Variants in ABCA4 observed in about 807,000 individuals in gnomAD.
ABCA4 encodes the protein retinal-specific phospholipid-transporting ATPase ABCA4.
In ABCA4, 196 loss-of-function variants were observed where a neutral mutation model predicts 263.7. The observed-to-expected ratio is 0.74, with a 90% CI of 0.66 to 0.84. The LOEUF (loss-of-function observed/expected upper bound fraction) is 0.84. Ranked by LOEUF, ABCA4 falls within the 40% of genes least tolerant of loss-of-function variation. The probability of loss-of-function intolerance (pLI) is 0.00; values close to 1 mark genes in which losing one functional copy is unlikely to be tolerated. For synonymous variants in ABCA4, 1,133 were observed against 1,094.2 expected, an observed-to-expected ratio of 1.04 and a Z score of -0.70; for missense variants, 2,792 against 2,855.1, an observed-to-expected ratio of 0.98 and a Z score of 0.50.
intron 47 of ABCA4, among the ~76,000 whole-genome samples, chr1:93,999,162 C>T (rs1659103928): frequency 6.6e-6 from 1 of 152,020 alleles, no homozygotes; most frequent in South Asian, 2.1e-4. Flanking sequence ...TCTTGTGCCT[C>T]AGTTTCCCGA....
In ABCA4 at chr1:94,078,764, C is replaced by T. The variant is rs1034473968; in HGVS notation, c.1240-58G>A. On this transcript the variant is annotated intron_variant, in intron 9 of 49. Coordinates refer to ENST00000370225, the MANE Select transcript of ABCA4 (RefSeq NM_000350.3). Reference sequence around the variant, plus strand: ...GAACAGAGAGAAAAGTGAGAGAGAACTTTTGGTTGTGTCTTTTCTGCCCCT... The same window carrying T: ...GAACAGAGAGAAAAGTGAGAGAGAATTTTTGGTTGTGTCTTTTCTGCCCCT... 4.8e-6 allele frequency: 6 copies of T among 1,249,544 alleles called. No homozygotes were observed. In the African/African-American group the frequency reaches 8.5e-5, roughly 18 times the overall value. The allele number at this position is 1,249,544 out of a possible 1,614,324, so 77.4% of individuals were successfully genotyped here.
chr1:94,014,783 G>A, intron 37 of ABCA4, 93 bp from the exon 38 acceptor site: 1 of 1,531,382 alleles, frequency 6.5e-7, no homozygotes, highest in Admixed American at 1.7e-5. Context: ...TTACACCTGA[G>A]GTGATGTGTG....
chr1:94,005,739 CA>C (rs546593398), intron 43 of ABCA4, among the ~76,000 whole-genome samples, 157 bp from the exon 44 acceptor site: 2 of 152,322 alleles, frequency 1.3e-5, no homozygotes, highest in East Asian at 3.9e-4. Flanking sequence ...GGAATCAAAA[CA>C]GGGGCCCTTC....
At chr1:94,030,324 A>G in intron 29 of ABCA4, 104 bp downstream of exon 29, 1 of 950,842 alleles carries the variant, frequency 1.1e-6, no homozygotes, top group Non-Finnish European at 1.7e-6. Flanking sequence ...TGACCAGCAG[A>G]GCAGGATTGA....
chr1:94,076,061 G>A (rs1661529958), intron 11 of ABCA4, among the ~76,000 whole-genome samples: 1 of 152,202 alleles, frequency 6.6e-6, no homozygotes, highest in Admixed American at 6.5e-5. Flanking sequence ...GAAAGGGACA[G>A]TCATTTCAGG....
chr1:94,015,648 G>A (rs1184533126), intron 37 of ABCA4, 91 bp downstream of exon 37: 2 of 1,088,272 alleles, frequency 1.8e-6, no homozygotes, highest in Non-Finnish European at 2.8e-6. Context: ...ACCACCACAG[G>A]ACAGCCCAGG....
chr1:94,050,188 A>G (rs1422940485), intron 17 of ABCA4, among the ~76,000 whole-genome samples: 1 of 152,180 alleles, frequency 6.6e-6, no homozygotes, highest in African/African-American at 2.4e-5. Flanking sequence ...GGACTTTTGA[A>G]TCTATGCCCC....
chr1:94,102,737 G>A (rs1034628568), intron 5 of ABCA4, among the ~76,000 whole-genome samples: 1 of 152,160 alleles, frequency 6.6e-6, no homozygotes, highest in Admixed American at 6.5e-5. Context: ...CATCTATAAA[G>A]AGAAGGTTGT....
intron 6 of ABCA4, among the ~76,000 whole-genome samples, chr1:94,086,802 A>G (rs1388956522): frequency 6.6e-6 from 1 of 152,156 alleles, no homozygotes; most frequent in Non-Finnish European, 1.5e-5. Context: ...CTTGGAGAAC[A>G]CCCTGCCCCA....
chr1:94,002,481 G>A (rs894440427), intron 44 of ABCA4, among the ~76,000 whole-genome samples: 39 of 152,240 alleles, frequency 2.6e-4, no homozygotes, highest in African/African-American at 9.4e-4. Context: ...AGCCATTGCT[G>A]CTATCCTCAG....
chr1:94,008,740 C>A lies in ABCA4; in HGVS notation c.5835+11G>T. ...TAACCAGCACCTCCAAACTCATACC[C>A]ATTCCCTTACCTTGGTTAGTTCATG... On this transcript the variant is annotated intron_variant, in intron 41 of 49. Transcript: ENST00000370225. The A allele has an allele frequency of 1.2e-6, 2 of 1,613,962 alleles. No homozygotes were observed. Among genetic ancestry groups the A allele is most frequent in the South Asian group, 2.2e-5 (2 of 90,976 alleles).
chr1:94,056,695 G>C lies in ABCA4; in HGVS notation c.2288C>G (p.Ala763Gly). Reference sequence around the variant, plus strand: ...GGTGAAATAGATGACACCACTACAGGCTGCTGCCAGACTGGCCTTGGAGAA... The same window carrying C: ...GGTGAAATAGATGACACCACTACAGCCTGCTGCCAGACTGGCCTTGGAGAA... ...TFFSKASLAAACSGVIYFTLY... is the reference protein window; with the variant it reads ...TFFSKASLAAGCSGVIYFTLY... The change falls in exon 15 of 50, where the codon GCC becomes GGC. Residue 763 changes from alanine to glycine, a missense_variant. Coordinates refer to ENST00000370225, the MANE Select transcript of ABCA4 (RefSeq NM_000350.3). 2.5e-6 allele frequency: 4 copies of C among 1,614,162 alleles called. No homozygotes were observed. The highest frequency in any genetic ancestry group is 1.7e-4 in the Middle Eastern group (1 of 6,050).
At chr1:94,063,362 G>A in intron 11 of ABCA4, 45 bp from the exon 12 acceptor site, 2 of 1,564,802 alleles carry the variant, frequency 1.3e-6, no homozygotes, top group Non-Finnish European at 1.8e-6. Flanking sequence ...AGGACCAACT[G>A]CAAAGACTCA....
intron 17 of ABCA4, among the ~76,000 whole-genome samples, chr1:94,049,352 G>A (rs1225411300): frequency 6.6e-6 from 1 of 152,240 alleles, no homozygotes; most frequent in Non-Finnish European, 1.5e-5. Flanking sequence ...GGGGCCGGAT[G>A]TGGTGGCTCA....
intron 39 of ABCA4, 94 bp from the exon 40 acceptor site, chr1:94,011,023 T>A (rs370154691): frequency 6.2e-7 from 1 of 1,605,830 alleles, no homozygotes; most frequent in African/African-American, 1.3e-5. Context: ...AGGCCTTATG[T>A]GGGAACTGAG....
intron 11 of ABCA4, among the ~76,000 whole-genome samples, chr1:94,071,667 C>T (rs1485172385): frequency 2.6e-5 from 4 of 152,224 alleles, no homozygotes; most frequent in Non-Finnish European, 4.4e-5. Context: ...ATGTGGCTGG[C>T]TCATAGCAGC....
chr1:94,097,163 A>G (rs889776996), intron 6 of ABCA4, among the ~76,000 whole-genome samples: 5 of 152,210 alleles, frequency 3.3e-5, no homozygotes, highest in African/African-American at 1.2e-4. Context: ...GTGGTGAGCC[A>G]AGAGACCTTT....
chr1:93,998,759 T>TTTA (rs1411975673), intron 47 of ABCA4, among the ~76,000 whole-genome samples: 10 of 146,164 alleles, frequency 6.8e-5, no homozygotes, highest in African/African-American at 2.7e-4. Flanking sequence ...TTTATTTTAT[T>TTTA]TGAGACAGTC....
chr1:94,061,032 CTA>C (rs1398292000), intron 13 of ABCA4, among the ~76,000 whole-genome samples: 1 of 152,174 alleles, frequency 6.6e-6, no homozygotes, highest in Non-Finnish European at 1.5e-5. Flanking sequence ...ATTATATCCT[CTA>C]TGTCAAAGAT....
Sources: gnomAD v4.1 joint callset for allele counts (sites outside exome capture counted in the v4.1 genomes callset) on GRCh38, gnomAD v4.1.1 for gene constraint, MANE v1.5 for transcripts, NCBI Gene and HGNC (gene_info 2026-07-23, HGNC 2026-07-21) for gene names.